The following ENOSF1 variants were observed in gnomAD, a reference collection of about 807,000 sequenced individuals.
ENOSF1 encodes mitochondrial enolase superfamily member 1.
A neutral mutation model predicts 68.2 loss-of-function variants in ENOSF1; 73 were observed. The ratio of observed to expected loss-of-function variants is 1.07; its 90% CI spans 0.89 to 1.30. The LOEUF (loss-of-function observed/expected upper bound fraction) is 1.30, where lower values mean the gene tolerates loss of function less well. ENOSF1 is among the 50% of genes most tolerant of loss of function. ENOSF1 has a pLI of 0.00. For missense variants in ENOSF1, 589 were observed against 554.5 expected (o/e 1.06, Z -0.62); for synonymous variants, 223 against 210.4 (o/e 1.06, Z -0.52).
chr18:694,006 C>A, intron 4 of ENOSF1, 98 bp from the exon 5 acceptor site: 3 of 1,367,792 alleles, frequency 2.2e-6, no homozygotes, highest in South Asian at 2.5e-5. Context: ...TGGCTGTCAG[C>A]CACCAGGTCC....
chr18:694,027 C>G (rs989411916), intron 4 of ENOSF1, 119 bp from the exon 5 acceptor site: 58 of 1,181,612 alleles, frequency 4.9e-5, no homozygotes, highest in Non-Finnish European at 6.7e-5. Flanking sequence ...CCACACCCCC[C>G]TCTACTGCTG....
At chr18:701,214 T>C (rs1244534497) in intron 2 of ENOSF1, among the ~76,000 whole-genome samples, 2 of 152,128 alleles carry the variant, frequency 1.3e-5, no homozygotes, top group African/African-American at 4.8e-5. Context: ...ACTAACTTAG[T>C]CTACATTGTA....
intron 7 of ENOSF1, 123 bp from the exon 8 acceptor site, chr18:690,754 A>C: frequency 8.2e-7 from 1 of 1,219,156 alleles, no homozygotes; most frequent in Non-Finnish European, 1.1e-6. Context: ...CCCTGCACAC[A>C]CACACCCAGC....
Position 712,519 on chromosome 18 carries a change from G to C in ENOSF1, c.69C>G (p.His23Gln). 1.3e-6 allele frequency: 2 copies of C among 1,539,638 alleles called. No individual in the cohort carries two copies. Among genetic ancestry groups the C allele is most frequent in the Non-Finnish European group, 1.7e-6 (2 of 1,146,530 alleles). The change falls in exon 1 of 16, where the codon CAC (histidine) becomes CAG (glutamine). Residue 23 changes from histidine (H) to glutamine (Q), a missense_variant. By Grantham distance (24) the His-to-Gln change is conservative. Coordinates refer to ENST00000647584, the MANE Select transcript of ENOSF1 (RefSeq NM_017512.7). ...CCGCGCTTACCATGGCGTCCGCGCC[G>C]TGGCCCCCAAGCGACGTGGGGAAGC... The part of the protein sequence containing the change: ...DVRFPTSLGG[H>Q]GADAMHTDPD...
At chr18:702,058 G>A (rs1399957615) in intron 2 of ENOSF1, among the ~76,000 whole-genome samples, 2 of 151,964 alleles carry the variant, frequency 1.3e-5, no homozygotes. Context: ...GAGCTCAGGA[G>A]TTCAAGACCA....
downstream of ENOSF1, among the ~76,000 whole-genome samples, chr18:667,493 T>C (rs375110922): frequency 2.4e-4 from 8 of 32,762 alleles, 2 homozygotes; most frequent in African/African-American, 1.6e-3. Flanking sequence ...ATGGTGATGG[T>C]GATGGAGATG....
downstream of ENOSF1, among the ~76,000 whole-genome samples, chr18:669,895 G>C (rs1598475951): frequency 6.6e-6 from 1 of 151,902 alleles, no homozygotes. Context: ...CCAGGAATTT[G>C]AGGCTGTAGT....
chr18:704,432 A>AAAGAC (rs2078698273), intron 2 of ENOSF1, among the ~76,000 whole-genome samples: 1 of 135,802 alleles, frequency 7.4e-6, no homozygotes, highest in African/African-American at 3.0e-5. Context: ...TTGTTTCCAA[A>AAAGAC]AAGAAAAGAA....
intron 10 of ENOSF1, among the ~76,000 whole-genome samples, chr18:685,081 C>A (rs1180460918): frequency 6.6e-6 from 1 of 152,016 alleles, no homozygotes; most frequent in East Asian, 1.9e-4. Flanking sequence ...CCAGGCTGGT[C>A]CCAAACTCCT....
downstream of ENOSF1, among the ~76,000 whole-genome samples, chr18:668,264 A>C (rs957057366): frequency 2.0e-5 from 3 of 152,088 alleles, no homozygotes; most frequent in African/African-American, 7.2e-5. Flanking sequence ...TTTTCGGAAC[A>C]GTGACCATGA....
chr18:664,323 G>C, the ENOSF1 span, among the ~76,000 whole-genome samples: 1 of 150,254 alleles, frequency 6.7e-6, no homozygotes, highest in Non-Finnish European at 1.5e-5. Flanking sequence ...CTGTTTGTCT[G>C]TTATTGGTGT....
chr18:679,475 T>G (rs2144648718), intron 11 of ENOSF1, among the ~76,000 whole-genome samples: 1 of 151,932 alleles, frequency 6.6e-6, no homozygotes, highest in Admixed American at 6.6e-5. Flanking sequence ...TCCCAAAGTG[T>G]TGGGATTACA....
chr18:682,643 C>T (rs1364850499), intron 11 of ENOSF1, among the ~76,000 whole-genome samples: 3 of 145,796 alleles, frequency 2.1e-5, no homozygotes, highest in Non-Finnish European at 3.0e-5. Context: ...CCAAGGCGGG[C>T]AGATGGTCTG....
chr18:664,641 A>G, the ENOSF1 span, among the ~76,000 whole-genome samples: 1 of 143,598 alleles, frequency 7.0e-6, no homozygotes, highest in East Asian at 2.0e-4. Flanking sequence ...TCAGTATGAT[A>G]TTGGCTGTGG....
In ENOSF1 at chr18:677,822, C is replaced by A; in HGVS notation, c.969G>T (p.Gln323His). Residue 323 changes from glutamine (Q) to histidine (H), a missense_variant, in exon 13 of 16, where the codon CAG becomes CAT. Gln to His is a conservative substitution (Grantham distance 24). Transcript: ENST00000647584. ...GTCTGCAACTGTCAATCTGGAGGAA[C>A]TGCAGGGCCTTCGCCTGTAGGAGTT... ...FKQLLQAKAL[Q>H]FLQIDSCRLG... The A allele has an allele frequency of 1.2e-6, 2 of 1,614,210 alleles. No individual in the cohort carries two copies. The highest frequency in any genetic ancestry group is 1.7e-5 in the Admixed American group (1 of 60,026).
At chr18:677,201 C>A in intron 14 of ENOSF1, 144 bp downstream of exon 14, 1 of 679,570 alleles carries the variant, frequency 1.5e-6, no homozygotes, top group Non-Finnish European at 2.5e-6. Flanking sequence ...TCTGTGAAAG[C>A]AAAACCAACT....
rs1349604592 is a variant in ENOSF1, at chr18:673,061, A to C, written c.*1244T>G. 7.0e-7 allele frequency: 1 copy of C among 1,436,634 alleles called. No individual in the cohort carries two copies. The highest frequency in any genetic ancestry group is 9.3e-7 in the Non-Finnish European group (1 of 1,077,818). 89.0% of individuals were successfully genotyped at this position (1,436,634 alleles called of 1,614,324 possible). Reference sequence around the variant, plus strand: ...TAGGGGTTGGGCTGGATGCCGAGGTAAAAGTTCTTTTTGCTCTAAAAGAAA... The same window carrying C: ...TAGGGGTTGGGCTGGATGCCGAGGTCAAAGTTCTTTTTGCTCTAAAAGAAA... On this transcript the variant is annotated 3_prime_UTR_variant, in exon 16 of 16. Transcript: ENST00000647584.
intron 1 of ENOSF1, among the ~76,000 whole-genome samples, chr18:710,602 C>T (rs1397154792): frequency 6.6e-6 from 1 of 152,206 alleles, no homozygotes; most frequent in East Asian, 1.9e-4. Flanking sequence ...TAATTGAATT[C>T]CTGGGCTCAA....
the ENOSF1 span, among the ~76,000 whole-genome samples, chr18:663,409 G>T: frequency 2.0e-5 from 2 of 102,062 alleles, no homozygotes; most frequent in Admixed American, 8.3e-5. Context: ...GTAGATTCTG[G>T]ATATTAGCTC....
Sources: allele counts gnomAD v4.1 joint callset (sites outside exome capture counted in the v4.1 genomes callset), GRCh38; gene constraint gnomAD v4.1.1; transcripts MANE v1.5; gene names NCBI Gene and HGNC (gene_info 2026-07-23, HGNC 2026-07-21).